UBXN2B: variants seen among roughly 807,000 people sequenced by gnomAD.
UBXN2B encodes the protein UBX domain-containing protein 2B.
Under a neutral mutation model 37.5 loss-of-function variants are expected in UBXN2B, and 19 were observed. The ratio of observed to expected loss-of-function variants is 0.51; its 90% confidence interval spans 0.35 to 0.74. The LOEUF (loss-of-function observed/expected upper bound fraction) is 0.74. UBXN2B is among the 30% of genes least tolerant of loss of function. The pLI is 0.01. For missense variants in UBXN2B, 370 were observed against 393.2 expected (o/e 0.94, Z 0.50); for synonymous variants, 145 against 143.8 (o/e 1.01, Z -0.06).
Position 58,447,775 on chromosome 8 carries a change from T to TCTG in UBXN2B, c.*224_*225insCTG. 2.8e-6 allele frequency: 1 copy of TCTG among 355,972 alleles called. No homozygotes were observed. Among genetic ancestry groups the TCTG allele is most frequent in the Non-Finnish European group, 5.0e-6 (1 of 201,796 alleles). 22.1% of individuals were successfully genotyped at this position (355,972 alleles called of 1,614,324 possible). On this transcript the variant is annotated 3_prime_UTR_variant, in exon 8 of 8. Transcript: ENST00000399598. ...TTTTTAGTTGAAGGACTGGCTTATG[T>TCTG]TGATAGTTTTTGGATTTCTAGGCAA...
In UBXN2B at chr8:58,411,527, G is replaced by A. The variant is rs1585588081; in HGVS notation, c.84+58G>A. On this transcript the variant is annotated intron_variant, in intron 1 of 7. Coordinates refer to ENST00000399598, the MANE Select transcript of UBXN2B (RefSeq NM_001077619.2). ...GGTGGACGCGGGCTGGTGACGGCGC[G>A]GGCTGGTGCGAGTTGGAGGCCACCT... 14 of 1,226,900 alleles carry A rather than the reference G, an allele frequency of 1.1e-5. No homozygotes were observed. The East Asian group carries it at 3.8e-4, about 33-fold the overall frequency. 76.0% of individuals were successfully genotyped at this position (1,226,900 alleles called of 1,614,324 possible). A position where few individuals can be genotyped will look rare whatever the true frequency, so the allele number is the denominator to read the frequency against.
intron 3 of UBXN2B, among the ~76,000 whole-genome samples, chr8:58,432,680 GC>G (rs1392402169): frequency 2.8e-4 from 43 of 152,198 alleles, no homozygotes; most frequent in African/African-American, 1.0e-3. Flanking sequence ...CCTCTATACA[GC>G]TTTTATAATT....
At position 58,441,354 on chromosome 8, in the gene UBXN2B, T is replaced by C. The variant is rs978164015; in HGVS notation, c.671+1584T>C. ...CTCCTCTTGTTGTGATCAACATATA[T>C]ATATATATATATATGTATGTGTATA... On this transcript the variant is annotated intron_variant, in intron 6 of 7. Transcript: ENST00000399598. Among the ~76,000 whole-genome samples the C allele has an allele frequency of 3.0e-4, 44 of 145,084 alleles. 2 individuals carry two copies. Among genetic ancestry groups the C allele is most frequent in the African/African-American group, 1.1e-3 (43 of 38,214 alleles).
intron 5 of UBXN2B, among the ~76,000 whole-genome samples, chr8:58,436,190 A>G (rs1808407895): frequency 6.6e-6 from 1 of 152,222 alleles, no homozygotes; most frequent in South Asian, 2.1e-4. Context: ...CAGCTTAATT[A>G]CTACAAGTAG....
At chr8:58,432,305 G>A (rs931445302) in intron 3 of UBXN2B, among the ~76,000 whole-genome samples, 1 of 148,680 alleles carries the variant, frequency 6.7e-6, no homozygotes, top group African/African-American at 2.5e-5. Context: ...TGGATGTCCA[G>A]TTGCTCCAGC....
chr8:58,429,624 T>G (rs1297581160), intron 2 of UBXN2B, among the ~76,000 whole-genome samples: 1 of 152,182 alleles, frequency 6.6e-6, no homozygotes, highest in Non-Finnish European at 1.5e-5. Flanking sequence ...TTACTCAGTT[T>G]TGCATATTCT....
intron 6 of UBXN2B, among the ~76,000 whole-genome samples, chr8:58,442,358 ATATAT>A (rs1808570247): frequency 6.6e-6 from 1 of 152,256 alleles, no homozygotes; most frequent in Admixed American, 6.5e-5. Flanking sequence ...ACATTAAGAA[ATATAT>A]TAAAAGTTTA....
At chr8:58,439,570 C>T in intron 5 of UBXN2B, 63 bp from the exon 6 acceptor site, 34 of 1,531,588 alleles carry the variant, frequency 2.2e-5, no homozygotes, top group Non-Finnish European at 3.0e-5. Context: ...TTACAGTAAT[C>T]TCAACAGTGT....
In UBXN2B at chr8:58,447,371, T is replaced by G. The variant is rs1808705558; in HGVS notation, c.834-18T>G. ...ATGATTTTTTATATTACAAATTATT[T>G]TTGTCTTATTTCTTCAGGATCCTGG... On this transcript the variant is annotated intron_variant, in intron 7 of 7. Coordinates refer to ENST00000399598, the MANE Select transcript of UBXN2B (RefSeq NM_001077619.2). The G allele has an allele frequency of 1.3e-6, 2 of 1,531,854 alleles. No homozygotes were observed. Among genetic ancestry groups the G allele is most frequent in the Non-Finnish European group, 1.8e-6 (2 of 1,138,028 alleles). 94.9% of individuals were successfully genotyped at this position (1,531,854 alleles called of 1,614,324 possible). A position where few individuals can be genotyped will look rare whatever the true frequency, so the allele number is the denominator to read the frequency against.
At chr8:58,443,111 C>A (rs1472794710) in intron 6 of UBXN2B, among the ~76,000 whole-genome samples, 1 of 152,160 alleles carries the variant, frequency 6.6e-6, no homozygotes, top group Non-Finnish European at 1.5e-5. Flanking sequence ...GTCTCACAGG[C>A]CTGAGCTGCT....
At chr8:58,445,591 A>C (rs1483533627) in intron 6 of UBXN2B, among the ~76,000 whole-genome samples, 5 of 152,160 alleles carry the variant, frequency 3.3e-5, no homozygotes, top group Non-Finnish European at 7.4e-5. Flanking sequence ...CTGGGATGTG[A>C]AACCATGTCT....
At chr8:58,443,964 T>G (rs1044103460) in intron 6 of UBXN2B, among the ~76,000 whole-genome samples, 12 of 152,196 alleles carry the variant, frequency 7.9e-5, no homozygotes, top group Admixed American at 5.2e-4. Flanking sequence ...AATGATATGG[T>G]TGGCCTAAAT....
intron 2 of UBXN2B, among the ~76,000 whole-genome samples, chr8:58,423,502 C>G (rs965346455): frequency 2.7e-5 from 4 of 150,722 alleles, no homozygotes; most frequent in Non-Finnish European, 5.9e-5. Flanking sequence ...GTGGCGAGGT[C>G]TCAGCTCACT....
intron 2 of UBXN2B, among the ~76,000 whole-genome samples, chr8:58,417,627 T>G (rs1365580819): frequency 6.6e-6 from 1 of 152,258 alleles, no homozygotes; most frequent in Non-Finnish European, 1.5e-5. Context: ...TAACATCTTT[T>G]TAGTACTGTA....
chr8:58,416,636 CTTAAAG>C (rs1419062306), intron 1 of UBXN2B, among the ~76,000 whole-genome samples: 6 of 152,146 alleles, frequency 3.9e-5, no homozygotes, highest in African/African-American at 1.4e-4. Flanking sequence ...ATTATTATAA[CTTAAAG>C]TTATTCTAAT....
At chr8:58,423,412 A>T (rs908729577) in intron 2 of UBXN2B, among the ~76,000 whole-genome samples, 1 of 150,748 alleles carries the variant, frequency 6.6e-6, no homozygotes, top group African/African-American at 2.4e-5. Context: ...ATTGAAGAAC[A>T]GTTGGGGGTG....
In UBXN2B at chr8:58,425,690, A is replaced by G. The variant is rs139754955; in HGVS notation, c.189-4829A>G. ...ATTTGCTTAGTTCTCGAATTCTGCT[A>G]TTTCAGCAACATTTATACGAGTCGT... is the stretch of plus-strand genomic sequence containing the variant. On this transcript the variant is annotated intron_variant, in intron 2 of 7. Transcript: ENST00000399598. The G allele has an allele frequency of 2.2e-4, 252 of 1,166,434 alleles. No individual in the cohort carries two copies. The African/African-American group carries it at 3.4e-3, about 16-fold the overall frequency. The allele number at this position is 1,166,434 out of a possible 1,614,324, so 72.3% of individuals were successfully genotyped here.
At chr8:58,412,342 G>C (rs1807660489) in intron 1 of UBXN2B, among the ~76,000 whole-genome samples, 1 of 152,198 alleles carries the variant, frequency 6.6e-6, no homozygotes, top group African/African-American at 2.4e-5. Context: ...TCCTTAGTCG[G>C]TGCTGAACTC....
chr8:58,432,336 C>T (rs1808300104), intron 3 of UBXN2B, among the ~76,000 whole-genome samples: 1 of 147,782 alleles, frequency 6.8e-6, no homozygotes, highest in Non-Finnish European at 1.5e-5. Flanking sequence ...GAAAGGCACT[C>T]CTTTCTCCAT....
Sources: allele counts gnomAD v4.1 joint callset (sites outside exome capture counted in the v4.1 genomes callset), GRCh38; gene constraint gnomAD v4.1.1; transcripts MANE v1.5; gene names NCBI Gene and HGNC (gene_info 2026-07-23, HGNC 2026-07-21).